Variants in EPHX2 observed in about 807,000 individuals in gnomAD.
EPHX2 encodes the protein bifunctional epoxide hydrolase 2.
In EPHX2, 74 loss-of-function variants were observed where a neutral mutation model predicts 78.7. The ratio of observed to expected loss-of-function variants is 0.94; its 90% confidence interval spans 0.78 to 1.14. The LOEUF is 1.14. Among genes scored for constraint, EPHX2 ranks in the 50% most tolerant of loss-of-function variants. The pLI, the probability that EPHX2 is intolerant of heterozygous loss-of-function variation, is 0.00. For synonymous variants in EPHX2, 251 were observed against 255.2 expected (o/e 0.98, Z 0.16); for missense variants, 715 against 702.5 (o/e 1.02, Z -0.20).
intron 12 of EPHX2, among the ~76,000 whole-genome samples, chr8:27,534,311 T>C (rs1211202009): frequency 6.6e-6 from 1 of 152,196 alleles, no homozygotes; most frequent in African/African-American, 2.4e-5. Context: ...GTGCTGCCAC[T>C]GCACAGATCC....
At chr8:27,537,490 C>T (rs974867382) in intron 13 of EPHX2, among the ~76,000 whole-genome samples, 1 of 152,154 alleles carries the variant, frequency 6.6e-6, no homozygotes, top group Admixed American at 6.5e-5. Flanking sequence ...AAACTTCTGT[C>T]ATTGCTTGTG....
chr8:27,494,481 A>G lies in EPHX2; in HGVS notation c.101+3172A>G, dbSNP rs926691764. 3.3e-5 allele frequency among the ~76,000 whole-genome samples: 5 copies of G among 152,322 alleles called. No individual in the cohort carries two copies. The East Asian group carries it at 9.6e-4, about 29-fold the overall frequency. On this transcript the variant is annotated intron_variant, in intron 1 of 18. Coordinates refer to ENST00000521400, the MANE Select transcript of EPHX2 (RefSeq NM_001979.6). ...TACTTCATGAATTAGGACTTTAACC[A>G]CTTCTTGAGCCTTCTCTGTCTTGCA...
At chr8:27,509,576 T>G (rs142053494) in intron 5 of EPHX2, among the ~76,000 whole-genome samples, 5 of 152,126 alleles carry the variant, frequency 3.3e-5, no homozygotes, top group Non-Finnish European at 7.4e-5. Flanking sequence ...GTATTTTTAG[T>G]AGAGACAGGA....
At chr8:27,494,187 G>A (rs1219931099) in intron 1 of EPHX2, among the ~76,000 whole-genome samples, 2 of 152,298 alleles carry the variant, frequency 1.3e-5, no homozygotes, top group East Asian at 3.9e-4. Flanking sequence ...GTTATAGGGT[G>A]TAATTACACT....
downstream of EPHX2, among the ~76,000 whole-genome samples, chr8:27,548,269 G>A (rs752373133): frequency 1.3e-5 from 2 of 152,192 alleles, no homozygotes; most frequent in Non-Finnish European, 2.9e-5. Flanking sequence ...TTTCCGTGTC[G>A]TTCACAGCCA....
At chr8:27,510,257 A>G (rs1003138650) in intron 5 of EPHX2, among the ~76,000 whole-genome samples, 6 of 152,360 alleles carry the variant, frequency 3.9e-5, no homozygotes, top group Admixed American at 6.5e-5. Context: ...AAAGTGACCA[A>G]TCCAGCAGTA....
chr8:27,529,906 A>G (rs1814974889), intron 12 of EPHX2, among the ~76,000 whole-genome samples: 1 of 151,992 alleles, frequency 6.6e-6, no homozygotes. Flanking sequence ...AAAAAAAAGA[A>G]AAAGAAAAAA....
intron 1 of EPHX2, among the ~76,000 whole-genome samples, chr8:27,500,460 A>G (rs1813723886): frequency 6.6e-6 from 1 of 152,166 alleles, no homozygotes. Context: ...AATACAGGAA[A>G]CTTTTTAAAG....
intron 6 of EPHX2, among the ~76,000 whole-genome samples, chr8:27,514,780 C>T (rs1019249873): frequency 2.0e-5 from 3 of 151,956 alleles, no homozygotes; most frequent in Non-Finnish European, 4.4e-5. Flanking sequence ...AGACACTGGC[C>T]GGAGCTCACT....
At chr8:27,492,788 T>C (rs1342092628) in intron 1 of EPHX2, 2 of 155,250 alleles carry the variant, frequency 1.3e-5, no homozygotes, top group Non-Finnish European at 2.8e-5. Context: ...TACAGAGCGC[T>C]GATTGGTGCA....
chr8:27,512,547 G>A (rs568987160), intron 6 of EPHX2, among the ~76,000 whole-genome samples: 24 of 152,338 alleles, frequency 1.6e-4, no homozygotes. Context: ...CACACAGAGG[G>A]CCCTGGCTCG....
rs998055956 is a variant in EPHX2, at chr8:27,525,233, G to A, written c.1059-129G>A. 6 of 743,154 alleles carry A rather than the reference G, an allele frequency of 8.1e-6. No homozygotes were observed. In the African/African-American group the frequency reaches 1.0e-4, roughly 13 times the overall value. 46.0% of individuals were successfully genotyped at this position (743,154 alleles called of 1,614,324 possible). A position where few individuals can be genotyped will look rare whatever the true frequency, so the allele number is the denominator to read the frequency against. On this transcript the variant is annotated intron_variant, in intron 11 of 18. Transcript: ENST00000521400. ...TTCTGATCCCATTCTCCCATTCACT[G>A]CTAGTGTATGACCTTGTGCATAGAA...
chr8:27,492,655 G>A (rs1275180389), intron 1 of EPHX2, among the ~76,000 whole-genome samples: 1 of 152,316 alleles, frequency 6.6e-6, no homozygotes, highest in African/African-American at 2.4e-5. Context: ...GCTACTGGCT[G>A]GGGTGGCCAG....
intron 12 of EPHX2, among the ~76,000 whole-genome samples, chr8:27,531,118 T>C (rs1815025692): frequency 6.6e-6 from 1 of 152,198 alleles, no homozygotes; most frequent in Non-Finnish European, 1.5e-5. Flanking sequence ...GTTATTTTCA[T>C]TGTCTTAAAT....
intron 12 of EPHX2, among the ~76,000 whole-genome samples, chr8:27,527,179 G>A (rs1258697054): frequency 4.0e-5 from 6 of 151,830 alleles, no homozygotes; most frequent in South Asian, 2.1e-4. Context: ...GACTGGTCTC[G>A]AACTCCTGAC....
chr8:27,498,125 A>G (rs981525486), intron 1 of EPHX2, among the ~76,000 whole-genome samples: 4 of 152,216 alleles, frequency 2.6e-5, no homozygotes, highest in African/African-American at 9.6e-5. Context: ...ACCTATCAGT[A>G]TCATCTGAAA....
chr8:27,495,460 C>T (rs1053787318), intron 1 of EPHX2, among the ~76,000 whole-genome samples: 2 of 152,192 alleles, frequency 1.3e-5, no homozygotes, highest in Non-Finnish European at 2.9e-5. Flanking sequence ...TCATCTCGGG[C>T]AGCATAAGTC....
intron 6 of EPHX2, among the ~76,000 whole-genome samples, chr8:27,512,844 A>G (rs958583450): frequency 4.6e-5 from 7 of 152,142 alleles, no homozygotes; most frequent in African/African-American, 1.2e-4. Context: ...TGAAATGACA[A>G]TAATATCTCT....
chr8:27,535,669 T>A (rs533584634), intron 12 of EPHX2, among the ~76,000 whole-genome samples: 1 of 152,216 alleles, frequency 6.6e-6, no homozygotes, highest in Non-Finnish European at 1.5e-5. Context: ...GAGAGTAGGA[T>A]CCATGGATGG....
Sources: allele counts gnomAD v4.1 joint callset (sites outside exome capture counted in the v4.1 genomes callset), GRCh38; gene constraint gnomAD v4.1.1; transcripts MANE v1.5; gene names NCBI Gene and HGNC (gene_info 2026-07-23, HGNC 2026-07-21).